Variants in ZNF169 observed in about 807,000 individuals in gnomAD.
ZNF169 encodes zinc finger protein 169.
In ZNF169, 11 loss-of-function variants were observed where a neutral mutation model predicts 12.0. The ratio of observed to expected loss-of-function variants is 0.92; its 90% CI spans 0.58 to 1.52. ZNF169 has a LOEUF of 1.52. Ranked by LOEUF, ZNF169 falls within the 40% of genes most tolerant of loss-of-function variation. The pLI, the probability that ZNF169 is intolerant of heterozygous loss-of-function variation, is 0.00. For synonymous variants in ZNF169, 302 were observed against 286.5 expected (o/e 1.05, Z -0.55); for missense variants, 722 against 744.0 (o/e 0.97, Z 0.34).
chr9:94,288,274 C>T (rs1429008368), intron 2 of ZNF169: 3 of 810,580 alleles, frequency 3.7e-6, no homozygotes, highest in African/African-American at 1.7e-5. Flanking sequence ...CTTCAGTTCA[C>T]GTGCAAGCTG....
intron 1 of ZNF169, among the ~76,000 whole-genome samples, 175 bp from the exon 2 acceptor site, chr9:94,278,583 A>C (rs1436197843): frequency 6.6e-6 from 1 of 152,198 alleles, no homozygotes; most frequent in Non-Finnish European, 1.5e-5. Context: ...TTGCTGGCCC[A>C]GCTCTGTGGG....
At chr9:94,288,621 C>T in intron 2 of ZNF169, 2 of 390,440 alleles carry the variant, frequency 5.1e-6, no homozygotes, top group Non-Finnish European at 9.8e-6. Context: ...GCAGGTTTCC[C>T]TCATGCTATT....
At chr9:94,261,527 G>A (rs534143273) in intron 1 of ZNF169, among the ~76,000 whole-genome samples, 1 of 152,374 alleles carries the variant, frequency 6.6e-6, no homozygotes, top group Non-Finnish European at 1.5e-5. Flanking sequence ...TCATCACTCA[G>A]ATTCACCACT....
At chr9:94,265,024 T>TG (rs1564081303) in intron 1 of ZNF169, among the ~76,000 whole-genome samples, 1 of 147,504 alleles carries the variant, frequency 6.8e-6, no homozygotes, top group Non-Finnish European at 1.5e-5. Context: ...GTACCCTGTT[T>TG]TTTTTTTTTT....
Position 94,301,202 on chromosome 9 carries a change from G to T in ZNF169, c.1644G>T (p.Gly548=), listed in dbSNP as rs945967342. The T allele has an allele frequency of 3.7e-6, 6 of 1,614,080 alleles. No homozygotes were observed. Among genetic ancestry groups the T allele is most frequent in the South Asian group, 1.1e-5 (1 of 91,086 alleles). ...AGCCCTGCATTTGCGATGAATGTGG[G>T]CGCGGCTTTGGCTTTAAGTCTGCCC... The part of the protein sequence containing the change: ...GEKPCICDEC[G]RGFGFKSALI... Residue 548 remains glycine (G), a synonymous_variant, in exon 5 of 5, where the codon GGG becomes GGT. Coordinates refer to ENST00000395395, the MANE Select transcript of ZNF169 (RefSeq NM_194320.4).
chr9:94,286,484 T>TG (rs1390917599), intron 2 of ZNF169, among the ~76,000 whole-genome samples: 1 of 152,120 alleles, frequency 6.6e-6, no homozygotes, highest in Non-Finnish European at 1.5e-5. Context: ...TTCTCAATAT[T>TG]GGGGGAGGGT....
At position 94,300,381 on chromosome 9, in the gene ZNF169, G is replaced by A. The variant is rs773919139; in HGVS notation, c.823G>A (p.Ala275Thr). ...PECGRRFSQK[A>T]SLSIHQRKHS... ...GTGTGGGCGTCGGTTTAGCCAGAAG[G>A]CCTCCCTCTCCATACACCAGAGGAA... Residue 275 changes from alanine to threonine, a missense_variant, in exon 5 of 5, where the codon GCC becomes ACC. Ala to Thr is a moderately conservative substitution (Grantham distance 58). Transcript: ENST00000395395. The A allele has an allele frequency of 6.2e-7, 1 of 1,612,336 alleles. No homozygotes were observed. Among genetic ancestry groups the A allele is most frequent in the Non-Finnish European group, 8.5e-7 (1 of 1,179,470 alleles).
At chr9:94,285,807 C>T (rs936897675) in intron 2 of ZNF169, among the ~76,000 whole-genome samples, 2 of 151,900 alleles carry the variant, frequency 1.3e-5, no homozygotes, top group Non-Finnish European at 2.9e-5. Context: ...GTCGGGCGTT[C>T]GAGACCAGCC....
At chr9:94,292,763 C>G in intron 3 of ZNF169, 1 of 617,136 alleles carries the variant, frequency 1.6e-6, no homozygotes, top group Non-Finnish European at 2.8e-6. Context: ...TTTATTGACT[C>G]AAGCACAGGG....
In ZNF169 at chr9:94,292,607, TTGTGTGTGTGTG is replaced by T. The variant is rs138361295; in HGVS notation, c.160+163_160+174del. On this transcript the variant is annotated intron_variant, in intron 3 of 4. Transcript: ENST00000395395. ...AGAATGCCTGGCTTTCACAGTGCAG[TTGTGTGTGTGTG>T]TGTGTGTGTGTGTGTGTGTGTGCGC... 220 of 678,476 alleles carry T rather than the reference TTGTGTGTGTGTG, an allele frequency of 3.2e-4. 2 individuals are homozygous for T. The highest frequency in any genetic ancestry group is 2.1e-3 in the African/African-American group (115 of 53,576). The allele number at this position is 678,476 out of a possible 1,614,324, so 42.0% of individuals were successfully genotyped here.
At position 94,264,190 on chromosome 9, in the gene ZNF169, G is replaced by A. The variant is rs1309845805; in HGVS notation, c.-56+4845G>A. On this transcript the variant is annotated intron_variant, in intron 1 of 4. Coordinates refer to ENST00000395395, the MANE Select transcript of ZNF169 (RefSeq NM_194320.4). ...CTTGCTCTGTTGCCCAGTCTGGAGT[G>A]CAGTGGCACAATTTTGGCTCACTGC... is the stretch of plus-strand genomic sequence containing the variant. 2.0e-5 allele frequency among the ~76,000 whole-genome samples: 3 copies of A among 152,194 alleles called. No homozygotes were observed. The South Asian group carries it at 6.2e-4, about 31-fold the overall frequency.
rs774781157 is a variant in ZNF169, at chr9:94,275,786, GTT to G, written c.-55-2956_-55-2955del. Among the ~76,000 whole-genome samples the G allele has an allele frequency of 6.9e-4, 90 of 130,504 alleles. 1 individual carries two copies. The highest frequency in any genetic ancestry group is 2.2e-3 in the African/African-American group (80 of 35,608). The allele number at this position is 130,504 out of a possible 152,430, so 85.6% of individuals were successfully genotyped here. A position where few individuals can be genotyped will look rare whatever the true frequency, so the allele number is the denominator to read the frequency against. On this transcript the variant is annotated intron_variant, in intron 1 of 4. Transcript: ENST00000395395. Reference sequence around the variant, plus strand: ...GTCAGCTGTAGGCTCTGCACTATCTGTTTTTTTTTTTTTTTTTGAGACAGTCT... The same window carrying G: ...GTCAGCTGTAGGCTCTGCACTATCTGTTTTTTTTTTTTTTTGAGACAGTCT...
chr9:94,276,957 G>A (rs571655587), intron 1 of ZNF169, among the ~76,000 whole-genome samples: 15 of 152,288 alleles, frequency 9.8e-5, no homozygotes, highest in African/African-American at 3.6e-4. Flanking sequence ...AGCCAAATAT[G>A]AGTGACCATG....
At chr9:94,277,197 A>G (rs1219829248) in intron 1 of ZNF169, among the ~76,000 whole-genome samples, 1 of 152,214 alleles carries the variant, frequency 6.6e-6, no homozygotes, top group Non-Finnish European at 1.5e-5. Flanking sequence ...TTATCTGAAG[A>G]CCTGGGATCA....
At chr9:94,271,531 C>G (rs1830421761) in intron 1 of ZNF169, among the ~76,000 whole-genome samples, 1 of 151,986 alleles carries the variant, frequency 6.6e-6, no homozygotes, top group Non-Finnish European at 1.5e-5. Flanking sequence ...ACCACCCTGG[C>G]CAACGTGCTG....
At chr9:94,289,728 T>C (rs1488106366) in intron 2 of ZNF169, among the ~76,000 whole-genome samples, 1 of 152,094 alleles carries the variant, frequency 6.6e-6, no homozygotes, top group African/African-American at 2.4e-5. Context: ...AGGCAGAGAA[T>C]GCAGTGAGCT....
intron 1 of ZNF169, among the ~76,000 whole-genome samples, chr9:94,275,596 TTC>T (rs1466732543): frequency 6.6e-6 from 1 of 152,204 alleles, no homozygotes; most frequent in African/African-American, 2.4e-5. Flanking sequence ...ATTGGTCTAT[TTC>T]TCTTTCTCCT....
chr9:94,260,510 G>A (rs1830184517), intron 1 of ZNF169, among the ~76,000 whole-genome samples: 1 of 152,184 alleles, frequency 6.6e-6, no homozygotes, highest in East Asian at 1.9e-4. Context: ...AGGGCCGTGC[G>A]ACTCGGGTCA....
At chr9:94,269,124 T>A (rs1020471072) in intron 1 of ZNF169, among the ~76,000 whole-genome samples, 19 of 151,826 alleles carry the variant, frequency 1.3e-4, no homozygotes, top group African/African-American at 4.4e-4. Context: ...ACCCAATACC[T>A]CCCATTATCA....
Sources: gnomAD v4.1 joint callset for allele counts (sites outside exome capture counted in the v4.1 genomes callset) on GRCh38, gnomAD v4.1.1 for gene constraint, MANE v1.5 for transcripts, NCBI Gene and HGNC (gene_info 2026-07-23, HGNC 2026-07-21) for gene names.